The following LYRM7 variants were observed in gnomAD, a reference collection of about 807,000 sequenced individuals.
The protein encoded by LYRM7 is LYR motif containing 7, also known as complex III assembly factor LYRM7.
Under a neutral mutation model 15.8 loss-of-function variants are expected in LYRM7, and 9 were observed. The observed-to-expected ratio is 0.57, with a 90% CI of 0.34 to 0.99. LYRM7 has a LOEUF of 0.99. LYRM7 is among the 50% of genes least tolerant of loss of function. The probability of loss-of-function intolerance (pLI) is 0.02; values close to 1 mark genes in which losing one functional copy is unlikely to be tolerated. For missense variants in LYRM7, 115 were observed against 119.1 expected (o/e 0.97, Z 0.16); for synonymous variants, 39 against 39.4 (o/e 0.99, Z 0.04).
chr5:131,193,247 T>C (rs1166350742), intron 4 of LYRM7, among the ~76,000 whole-genome samples: 1 of 152,220 alleles, frequency 6.6e-6, no homozygotes, highest in African/African-American at 2.4e-5. Context: ...TCAACAAACA[T>C]TGAATCGCTG....
intron 1 of LYRM7, among the ~76,000 whole-genome samples, chr5:131,179,438 CTTTTTCTTTTTCTTTTCTT>C (rs1356951008): frequency 1.3e-4 from 14 of 106,360 alleles, no homozygotes; most frequent in Non-Finnish European, 1.8e-4. Flanking sequence ...TTCTGATTTT[CTTTTTCTTTTTCTTTTCTT>C]TTTTTTTTTT....
chr5:131,205,299 G>T lies in LYRM7; in HGVS notation c.*5698G>T, dbSNP rs868218332. ...TTAAAATGTAAATGAATGGCGTTAT[G>T]CTCCATGTATTCTGCAACTTTTCAT... On this transcript the variant is annotated 3_prime_UTR_variant, in exon 5 of 5. Coordinates refer to ENST00000379380, the MANE Select transcript of LYRM7 (RefSeq NM_181705.4). 9 of 152,292 alleles carry T rather than the reference G, an allele frequency of 5.9e-5. No homozygotes were observed. The highest frequency in any genetic ancestry group is 2.1e-4 in the South Asian group (1 of 4,824). The allele number at this position is 152,292 out of a possible 1,614,324, so 9.4% of individuals were successfully genotyped here.
intron 1 of LYRM7, among the ~76,000 whole-genome samples, chr5:131,174,213 C>A (rs2149658819): frequency 6.6e-6 from 1 of 152,324 alleles, no homozygotes; most frequent in South Asian, 2.1e-4. Flanking sequence ...AATCCACTTT[C>A]TTTGCTCATT....
intron 1 of LYRM7, among the ~76,000 whole-genome samples, chr5:131,178,961 CAAAAAAA>C (rs58612746): frequency 1.7e-4 from 11 of 62,942 alleles, no homozygotes; most frequent in South Asian, 7.1e-4. Context: ...GACTCCGTCT[CAAAAAAA>C]AAAAAAAAAA....
intron 4 of LYRM7, among the ~76,000 whole-genome samples, chr5:131,198,346 G>T (rs1407348401): frequency 2.6e-5 from 4 of 152,066 alleles, no homozygotes; most frequent in Admixed American, 6.5e-5. Context: ...GTATCCTATT[G>T]GGGATCACAC....
chr5:131,183,417 TCATAA>T (rs1282259037), intron 3 of LYRM7, among the ~76,000 whole-genome samples: 7 of 152,182 alleles, frequency 4.6e-5, no homozygotes, highest in Non-Finnish European at 8.8e-5. Context: ...GTAGACTAAT[TCATAA>T]CATATGATAA....
In LYRM7 at chr5:131,205,292, G is replaced by A. The variant is rs1358290495; in HGVS notation, c.*5691G>A. On this transcript the variant is annotated 3_prime_UTR_variant, in exon 5 of 5. Transcript: ENST00000379380. ...TGTGATTTTAAAATGTAAATGAATG[G>A]CGTTATGCTCCATGTATTCTGCAAC... is the stretch of plus-strand genomic sequence containing the variant. 3 of 152,142 alleles carry A rather than the reference G, an allele frequency of 2.0e-5. No individual in the cohort carries two copies. The highest frequency in any genetic ancestry group is 2.9e-5 in the Non-Finnish European group (2 of 68,036). 9.4% of individuals were successfully genotyped at this position (152,142 alleles called of 1,614,324 possible).
chr5:131,183,780 A>G (rs1232213741), intron 3 of LYRM7, among the ~76,000 whole-genome samples: 2 of 152,076 alleles, frequency 1.3e-5, no homozygotes, highest in African/African-American at 2.4e-5. Context: ...GAGGACCCCA[A>G]AAAGCTTTGT....
intron 1 of LYRM7, among the ~76,000 whole-genome samples, chr5:131,175,123 C>T (rs1374555529): frequency 1.3e-5 from 2 of 150,588 alleles, no homozygotes; most frequent in Non-Finnish European, 2.9e-5. Context: ...GTAGACTTAG[C>T]ATAATTCTTA....
rs374229200 is a variant in LYRM7, at chr5:131,199,635, T to C, written c.*34T>C. On this transcript the variant is annotated 3_prime_UTR_variant, in exon 5 of 5. Coordinates refer to ENST00000379380, the MANE Select transcript of LYRM7 (RefSeq NM_181705.4). Reference sequence around the variant, plus strand: ...GAATACAACAAGTCTTTGTACTTTTTAACTTTAAAATCTACAACTCTGGCA... The same window carrying C: ...GAATACAACAAGTCTTTGTACTTTTCAACTTTAAAATCTACAACTCTGGCA... 1.3e-6 allele frequency: 2 copies of C among 1,495,192 alleles called. No homozygotes were observed. The highest frequency in any genetic ancestry group is 1.8e-6 in the Non-Finnish European group (2 of 1,096,974). 92.6% of individuals were successfully genotyped at this position (1,495,192 alleles called of 1,614,324 possible).
chr5:131,187,414 A>G (rs574505067), intron 4 of LYRM7, among the ~76,000 whole-genome samples: 1 of 152,068 alleles, frequency 6.6e-6, no homozygotes, highest in East Asian at 1.9e-4. Flanking sequence ...GGCATCATTT[A>G]TCACTTACCT....
In LYRM7 at chr5:131,200,293, T is replaced by C. The variant is rs1756039384; in HGVS notation, c.*692T>C. Reference sequence around the variant, plus strand: ...TGGCCCTTGATCAAACTATTTAATATGGCCTTAGTAGAATTAGCTGTATTT... The same window carrying C: ...TGGCCCTTGATCAAACTATTTAATACGGCCTTAGTAGAATTAGCTGTATTT... On this transcript the variant is annotated 3_prime_UTR_variant, in exon 5 of 5. Transcript: ENST00000379380. The C allele has an allele frequency of 6.6e-6, 1 of 152,340 alleles. No individual in the cohort carries two copies. Among genetic ancestry groups the C allele is most frequent in the Non-Finnish European group, 1.5e-5 (1 of 68,018 alleles). The allele number at this position is 152,340 out of a possible 1,614,324, so 9.4% of individuals were successfully genotyped here. A position where few individuals can be genotyped will look rare whatever the true frequency, so the allele number is the denominator to read the frequency against.
At chr5:131,174,491 CAAT>C (rs1388155428) in intron 1 of LYRM7, among the ~76,000 whole-genome samples, 2 of 152,188 alleles carry the variant, frequency 1.3e-5, no homozygotes, top group Non-Finnish European at 2.9e-5. Context: ...AGGAGGTTTT[CAAT>C]TTACTTTGCC....
intron 1 of LYRM7, among the ~76,000 whole-genome samples, chr5:131,179,299 T>C (rs993334201): frequency 5.3e-5 from 8 of 152,122 alleles, no homozygotes; most frequent in African/African-American, 1.7e-4. Flanking sequence ...GGAAAGTTAT[T>C]TTGGCAAGTC....
At chr5:131,193,505 A>G (rs890118806) in intron 4 of LYRM7, among the ~76,000 whole-genome samples, 1 of 152,134 alleles carries the variant, frequency 6.6e-6, no homozygotes, top group Non-Finnish European at 1.5e-5. Flanking sequence ...GTCATCATTT[A>G]TATAATATAC....
In LYRM7 at chr5:131,199,754, G is replaced by A; in HGVS notation, c.*153G>A. On this transcript the variant is annotated 3_prime_UTR_variant, in exon 5 of 5. Coordinates refer to ENST00000379380, the MANE Select transcript of LYRM7 (RefSeq NM_181705.4). Reference sequence around the variant, plus strand: ...TCATATTTAAATTTCATGTTAAAAGGTCATTACTGAGAACTAAAGAACATA... The same window carrying A: ...TCATATTTAAATTTCATGTTAAAAGATCATTACTGAGAACTAAAGAACATA... The A allele has an allele frequency of 2.2e-6, 1 of 462,474 alleles. No individual in the cohort carries two copies. Among genetic ancestry groups the A allele is most frequent in the Non-Finnish European group, 3.9e-6 (1 of 256,646 alleles). The allele number at this position is 462,474 out of a possible 1,614,324, so 28.6% of individuals were successfully genotyped here.
chr5:131,198,525 G>A (rs937206523), intron 4 of LYRM7, among the ~76,000 whole-genome samples: 4 of 152,088 alleles, frequency 2.6e-5, no homozygotes, highest in Non-Finnish European at 5.9e-5. Context: ...AGCTCTTCTG[G>A]AGAAAAGAAG....
At chr5:131,178,599 CTT>C (rs1052682078) in intron 1 of LYRM7, among the ~76,000 whole-genome samples, 135 of 152,258 alleles carry the variant, frequency 8.9e-4, no homozygotes, top group Non-Finnish European at 1.9e-3. Context: ...TCTTTTCTCT[CTT>C]TTTATTTTTT....
chr5:131,181,625 T>C (rs778970106), intron 2 of LYRM7, among the ~76,000 whole-genome samples: 1 of 151,478 alleles, frequency 6.6e-6, no homozygotes, highest in Non-Finnish European at 1.5e-5. Context: ...CTAAGCACTT[T>C]ATACGGATTG....
Sources: gnomAD v4.1 joint callset for allele counts (sites outside exome capture counted in the v4.1 genomes callset) on GRCh38, gnomAD v4.1.1 for gene constraint, MANE v1.5 for transcripts, NCBI Gene and HGNC (gene_info 2026-07-23, HGNC 2026-07-21) for gene names.